DISC1: variants seen among roughly 807,000 people sequenced by gnomAD.
DISC1 encodes the protein DISC1 scaffold protein, also known as disrupted in schizophrenia 1 protein.
A neutral mutation model predicts 84.5 loss-of-function variants in DISC1; 57 were observed. The observed-to-expected ratio is 0.67, with a 90% confidence interval of 0.55 to 0.84. The LOEUF is 0.84. Among genes scored for constraint, DISC1 ranks in the 40% least tolerant of loss-of-function variants. The pLI is 0.00. For missense variants in DISC1, 1,000 were observed against 1,057.8 expected, an observed-to-expected ratio of 0.95 and a Z score of 0.76; for synonymous variants, 411 against 415.2, an observed-to-expected ratio of 0.99 and a Z score of 0.12.
intron 9 of DISC1, chr1:231,866,597 A>T: frequency 2.7e-6 from 4 of 1,458,144 alleles, no homozygotes; most frequent in Non-Finnish European, 3.9e-6. Context: ...TGCAGGACAC[A>T]GCACTGTGAT....
chr1:231,697,479 T>A (rs61835382), intron 2 of DISC1, among the ~76,000 whole-genome samples: 59,432 of 151,862 alleles, frequency 0.39, 12,177 homozygotes, highest in African/African-American at 0.52. Context: ...GGTCTCTGTC[T>A]TCCAGGCTGG....
In DISC1 at chr1:231,698,161, C is replaced by T. The variant is rs1052340011; in HGVS notation, c.1047+3356C>T. Among the ~76,000 whole-genome samples the T allele has an allele frequency of 6.6e-6, 1 of 152,122 alleles. No homozygotes were observed. The highest frequency in any genetic ancestry group is 2.1e-4 in the South Asian group (1 of 4,822). ...ACATAGAACAAGGTCATGTGTTGAC[C>T]GATGGAGGAAGGTGTTGTGACCAGG... On this transcript the variant is annotated intron_variant, in intron 2 of 12. Transcript: ENST00000439617. The surrounding 1 kb of genome is among the most constrained non-coding windows in gnomAD (Gnocchi z 4.9).
intron 10 of DISC1, among the ~76,000 whole-genome samples, chr1:232,004,171 A>C (rs909436346): frequency 6.6e-6 from 1 of 151,950 alleles, no homozygotes; most frequent in Non-Finnish European, 1.5e-5. Flanking sequence ...GTGTTTACAG[A>C]AGCTAATAAA....
At chr1:232,011,465 G>A (rs77814037) in intron 11 of DISC1, among the ~76,000 whole-genome samples, 74 of 152,188 alleles carry the variant, frequency 4.9e-4, no homozygotes, top group African/African-American at 1.7e-3. Context: ...TTCCTGTATC[G>A]CAGTGCTGGA....
intron 1 of DISC1, among the ~76,000 whole-genome samples, chr1:231,648,952 CTTCT>C (rs2060379322): frequency 6.6e-6 from 1 of 151,940 alleles, no homozygotes; most frequent in South Asian, 2.1e-4. Context: ...TCTCTCTTTT[CTTCT>C]TTATTAGTCT....
intron 8 of DISC1, among the ~76,000 whole-genome samples, chr1:231,803,677 G>A (rs1355718955): frequency 1.3e-5 from 2 of 152,186 alleles, no homozygotes; most frequent in African/African-American, 2.4e-5. Flanking sequence ...TGCCAGGCGC[G>A]GTGGCTCACG....
At chr1:231,821,165 T>C (rs2081466352) in intron 9 of DISC1, among the ~76,000 whole-genome samples, 1 of 152,244 alleles carries the variant, frequency 6.6e-6, no homozygotes, top group Non-Finnish European at 1.5e-5. Flanking sequence ...GTTCATTTAC[T>C]GGGGCCAGAT....
chr1:231,856,931 C>T lies in DISC1; in HGVS notation c.1981+38414C>T, dbSNP rs528814803. 3.3e-5 allele frequency among the ~76,000 whole-genome samples: 5 copies of T among 152,314 alleles called. No homozygotes were observed. The South Asian group carries it at 1.0e-3, about 32-fold the overall frequency. On this transcript the variant is annotated intron_variant, in intron 9 of 12. Coordinates refer to ENST00000439617, the MANE Select transcript of DISC1 (RefSeq NM_018662.3). ...GGAACTTAGGCAGAGTGGGCTGCAG[C>T]AATCCTGCGGCGGCAGCATGAAAAA...
chr1:231,953,562 C>G (rs1409874329), intron 9 of DISC1, among the ~76,000 whole-genome samples: 1 of 152,194 alleles, frequency 6.6e-6, no homozygotes, highest in East Asian at 1.9e-4. Flanking sequence ...GAAAATTTCT[C>G]AGAGTTCTAA....
rs189852433 is a variant in DISC1, at chr1:231,692,022, C to T, written c.68-1804C>T. On this transcript the variant is annotated intron_variant, in intron 1 of 12. Transcript: ENST00000439617. ...CCTTCCTGTCATTTTACGCATTTTA[C>T]GCTGATATACTTGTAGGCAAAGGGA... Among the ~76,000 whole-genome samples, 9 of 152,264 alleles carry T rather than the reference C, an allele frequency of 5.9e-5. No individual in the cohort carries two copies. In the East Asian group the frequency reaches 7.7e-4, roughly 13 times the overall value.
chr1:231,677,017 G>A (rs2063219095), intron 1 of DISC1, among the ~76,000 whole-genome samples: 1 of 152,162 alleles, frequency 6.6e-6, no homozygotes, highest in Non-Finnish European at 1.5e-5. Context: ...TAAGGAAAAG[G>A]AGAGATTGTT....
chr1:231,945,835 C>T (rs1375829334), intron 9 of DISC1, among the ~76,000 whole-genome samples: 1 of 152,212 alleles, frequency 6.6e-6, no homozygotes, highest in East Asian at 1.9e-4. Context: ...CTATAAACAC[C>T]TCTATGCAAA....
intron 6 of DISC1, among the ~76,000 whole-genome samples, chr1:231,780,326 A>G (rs1257617581): frequency 6.6e-6 from 1 of 152,162 alleles, no homozygotes; most frequent in African/African-American, 2.4e-5. Context: ...TTTTTAAGTT[A>G]ACAGGCTATA....
intron 9 of DISC1, among the ~76,000 whole-genome samples, chr1:231,949,936 A>G (rs1444550112): frequency 6.6e-6 from 1 of 152,040 alleles, no homozygotes; most frequent in African/African-American, 2.4e-5. Flanking sequence ...TTTTTTATTT[A>G]CTCCTTGAAA....
At chr1:231,801,635 G>C (rs2079266735) in intron 8 of DISC1, among the ~76,000 whole-genome samples, 1 of 152,138 alleles carries the variant, frequency 6.6e-6, no homozygotes, top group Non-Finnish European at 1.5e-5. Context: ...CTCTTTGGTG[G>C]ACCGGCCTTT....
At chr1:231,997,643 A>G (rs1666127531) in intron 10 of DISC1, among the ~76,000 whole-genome samples, 1 of 152,054 alleles carries the variant, frequency 6.6e-6, no homozygotes, top group Non-Finnish European at 1.5e-5. Flanking sequence ...GAGGGGGTCA[A>G]GCAGATGGCC....
intron 2 of DISC1, 50 bp from the exon 3 acceptor site, chr1:231,701,905 G>T (rs769182637): frequency 7.6e-5 from 111 of 1,461,740 alleles, no homozygotes; most frequent in Non-Finnish European, 9.9e-5. Flanking sequence ...AAAAATGTTT[G>T]CTTGAATTCT....
intron 9 of DISC1, among the ~76,000 whole-genome samples, chr1:231,946,589 A>G (rs547720990): frequency 6.6e-6 from 1 of 152,318 alleles, no homozygotes; most frequent in South Asian, 2.1e-4. Flanking sequence ...CCTATTCAAC[A>G]TAGTATTGGA....
At chr1:231,986,310 T>C (rs541218852) in intron 10 of DISC1, among the ~76,000 whole-genome samples, 2 of 152,164 alleles carry the variant, frequency 1.3e-5, no homozygotes, top group Non-Finnish European at 2.9e-5. Context: ...AGATATTCTA[T>C]TGGGAATTCA....
Sources: allele counts gnomAD v4.1 joint callset (sites outside exome capture counted in the v4.1 genomes callset), GRCh38; gene constraint gnomAD v4.1.1; non-coding constraint Gnocchi (gnomAD v3.1); transcripts MANE v1.5; gene names NCBI Gene and HGNC (gene_info 2026-07-23, HGNC 2026-07-21).